PLAUR: variants seen among roughly 807,000 people sequenced by gnomAD.
PLAUR encodes plasminogen activator, urokinase receptor.
A neutral mutation model predicts 33.4 loss-of-function variants in PLAUR; 22 were observed. That is an observed-to-expected ratio of 0.66 (90% CI 0.47 to 0.94). The LOEUF is 0.94. PLAUR is among the 40% of genes least tolerant of loss of function. The pLI is 0.00. For missense variants in PLAUR, 408 were observed against 434.7 expected (o/e 0.94, Z 0.55); for synonymous variants, 148 against 167.3 (o/e 0.88, Z 0.89).
intron 1 of PLAUR, among the ~76,000 whole-genome samples, chr19:43,669,189 T>C (rs1967411994): frequency 6.6e-6 from 1 of 152,176 alleles, no homozygotes; most frequent in Admixed American, 6.5e-5. Flanking sequence ...GGGAAGTAAG[T>C]GAGAGTCGCC....
At position 43,649,030 on chromosome 19, in the gene PLAUR, T is replaced by A; in HGVS notation, c.868A>T (p.Lys290Ter). The stretch of plus-strand genomic sequence containing the variant: ...AGGTCTGGGTGGTTACAGCCACTTT[T>A]AGTACAGCAGGAGACATCAATGTGG... ...MNHIDVSCCTKSGCNHPDLDV... is the reference protein window; with the variant it reads ...MNHIDVSCCT The change falls in exon 7 of 7, where the codon AAA becomes TAA. Residue 290 changes from lysine (K) to a stop codon, truncating the protein, a stop_gained. Transcript: ENST00000340093. LOFTEE classifies it low-confidence loss of function (END_TRUNC). The A allele has an allele frequency of 6.2e-7, 1 of 1,614,170 alleles. No homozygotes were observed. The highest frequency in any genetic ancestry group is 8.5e-7 in the Non-Finnish European group (1 of 1,180,032).
At chr19:43,647,938 C>CAT (rs1555778381), downstream of PLAUR, among the ~76,000 whole-genome samples, 4 of 133,204 alleles carry the variant, frequency 3.0e-5, no homozygotes, top group South Asian at 2.4e-4. Flanking sequence ...TTAGAGAGCC[C>CAT]TTTTTTTTTT....
chr19:43,659,995 T>C lies in PLAUR; in HGVS notation c.311-3355A>G, dbSNP rs190287288. Among the ~76,000 whole-genome samples, 6 of 152,362 alleles carry C rather than the reference T, an allele frequency of 3.9e-5. No homozygotes were observed. In the East Asian group the frequency reaches 1.2e-3, roughly 29 times the overall value. ...TCATGTTTCCTGTCCTATAATCCAA[T>C]ATCTGAGTTGCTACAATTCTGTTTC... is the stretch of plus-strand genomic sequence containing the variant. On this transcript the variant is annotated intron_variant, in intron 3 of 6. Coordinates refer to ENST00000340093, the MANE Select transcript of PLAUR (RefSeq NM_002659.4).
chr19:43,659,562 C>G (rs1430543935), intron 3 of PLAUR, among the ~76,000 whole-genome samples: 2 of 152,182 alleles, frequency 1.3e-5, no homozygotes, highest in Non-Finnish European at 2.9e-5. Flanking sequence ...AAATCTCTCT[C>G]TAGTCTAGAC....
intron 2 of PLAUR, among the ~76,000 whole-genome samples, chr19:43,666,016 C>T (rs1416775697): frequency 1.3e-5 from 2 of 151,204 alleles, no homozygotes; most frequent in African/African-American, 4.9e-5. Flanking sequence ...TCCATCTATC[C>T]CTCCCCCACA....
At chr19:43,662,993 C>T (rs1967070259) in intron 3 of PLAUR, among the ~76,000 whole-genome samples, 1 of 152,106 alleles carries the variant, frequency 6.6e-6, no homozygotes, top group African/African-American at 2.4e-5. Context: ...ACCCAGCCTC[C>T]ATTAGCTGTT....
At chr19:43,665,228 A>G (rs1967173876) in intron 3 of PLAUR, 88 bp downstream of exon 3, 2 of 1,381,762 alleles carry the variant, frequency 1.4e-6, no homozygotes, top group Non-Finnish European at 1.0e-6. Context: ...GGTTCAGCTG[A>G]TGTAAAGTTA....
chr19:43,667,463 G>A, intron 2 of PLAUR, 118 bp downstream of exon 2: 2 of 700,896 alleles, frequency 2.9e-6, no homozygotes, highest in Non-Finnish European at 5.1e-6. Context: ...GTGTGAAATG[G>A]GCTCTCCTTG....
chr19:43,663,073 G>C (rs915963542), intron 3 of PLAUR, among the ~76,000 whole-genome samples: 28 of 152,000 alleles, frequency 1.8e-4, no homozygotes, highest in African/African-American at 6.0e-4. Context: ...AACCTTCCCT[G>C]ACCTGAGTCA....
chr19:43,651,240 G>A (rs1251718201), intron 6 of PLAUR, among the ~76,000 whole-genome samples: 4 of 151,020 alleles, frequency 2.6e-5, no homozygotes, highest in African/African-American at 9.7e-5. Context: ...CACCATGCCC[G>A]ACTAATTTGT....
At chr19:43,665,232 A>C (rs1967174251) in intron 3 of PLAUR, 84 bp downstream of exon 3, 6 of 1,428,098 alleles carry the variant, frequency 4.2e-6, no homozygotes, top group Middle Eastern at 1.8e-4. Flanking sequence ...CAGCTGATGT[A>C]AAGTTAAGAA....
chr19:43,646,788 CTTTTTTTT>C (rs71169269), downstream of PLAUR, among the ~76,000 whole-genome samples: 1 of 104,844 alleles, frequency 9.5e-6, no homozygotes. Context: ...TGGAAGATGT[CTTTTTTTT>C]TTTTTTTTTT....
intron 3 of PLAUR, among the ~76,000 whole-genome samples, chr19:43,659,162 C>CTTTTCTT (rs1324933205): frequency 2.8e-4 from 3 of 10,742 alleles, no homozygotes; most frequent in African/African-American, 9.7e-4. Flanking sequence ...TTTTTCTTTT[C>CTTTTCTT]TTTTCTTTTT....
In PLAUR at chr19:43,670,065, C is replaced by A; in HGVS notation, c.55+1G>T. On this transcript the variant is annotated splice_donor_variant, in intron 1 of 6. Coordinates refer to ENST00000340093, the MANE Select transcript of PLAUR (RefSeq NM_002659.4). LOFTEE classifies it high-confidence loss of function. ...GCAGGCGTTCGGGACCCAGCCCCTA[C>A]CTGGGACGCAGGTGTGGAGCAGCAG... 6.2e-7 allele frequency: 1 copy of A among 1,613,304 alleles called. No individual in the cohort carries two copies. The highest frequency in any genetic ancestry group is 1.1e-5 in the South Asian group (1 of 91,038).
At chr19:43,653,756 G>A (rs1974090907) in intron 5 of PLAUR, among the ~76,000 whole-genome samples, 1 of 152,222 alleles carries the variant, frequency 6.6e-6, no homozygotes, top group South Asian at 2.1e-4. Flanking sequence ...AAGGCAGAAG[G>A]ATTGCTTGAG....
chr19:43,646,919 T>C (rs1973835061), downstream of PLAUR, among the ~76,000 whole-genome samples: 1 of 151,620 alleles, frequency 6.6e-6, no homozygotes, highest in Non-Finnish European at 1.5e-5. Flanking sequence ...TAGCTGGAGT[T>C]ACAGGCACCC....
At chr19:43,667,855 C>T (rs1276358553) in intron 1 of PLAUR, 164 bp from the exon 2 acceptor site, 1 of 1,445,522 alleles carries the variant, frequency 6.9e-7, no homozygotes, top group Admixed American at 2.5e-5. Flanking sequence ...TCCAGTCTGT[C>T]CGTTGTCCAC....
At chr19:43,651,286 A>C (rs960412600) in intron 6 of PLAUR, among the ~76,000 whole-genome samples, 3 of 152,074 alleles carry the variant, frequency 2.0e-5, no homozygotes, top group East Asian at 3.9e-4. Context: ...CATGTTGGTC[A>C]GGCTGGTCTT....
chr19:43,660,894 T>C (rs1018938255), intron 3 of PLAUR: 2 of 151,984 alleles, frequency 1.3e-5, no homozygotes, highest in African/African-American at 4.8e-5. Context: ...GGACTGGACC[T>C]AGGCTTGTTT....
Sources: gnomAD v4.1 joint callset for allele counts (sites outside exome capture counted in the v4.1 genomes callset) on GRCh38, gnomAD v4.1.1 for gene constraint, MANE v1.5 for transcripts, NCBI Gene and HGNC (gene_info 2026-07-23, HGNC 2026-07-21) for gene names.